HS6ST3: variants seen among roughly 807,000 people sequenced by gnomAD.
HS6ST3 encodes heparan sulfate 6-O-sulfotransferase 3.
Under a neutral mutation model 36.7 loss-of-function variants are expected in HS6ST3, and 12 were observed. The observed-to-expected ratio is 0.33, with a 90% CI of 0.21 to 0.53. The LOEUF (loss-of-function observed/expected upper bound fraction) is 0.53, where lower values mean the gene tolerates loss of function less well. Among genes scored for constraint, HS6ST3 ranks in the 20% least tolerant of loss-of-function variants. HS6ST3 has a pLI of 0.95. For synonymous variants in HS6ST3, 240 were observed against 257.5 expected (o/e 0.93, Z 0.65); for missense variants, 584 against 640.9 (o/e 0.91, Z 0.96).
At position 96,834,516 on chromosome 13, in the gene HS6ST3, C is replaced by G. The variant is rs1453903798; in HGVS notation, c.*1318C>G. 6.6e-6 allele frequency: 1 copy of G among 152,232 alleles called. No homozygotes were observed. Among genetic ancestry groups the G allele is most frequent in the African/African-American group, 2.4e-5 (1 of 41,450 alleles). The allele number at this position is 152,232 out of a possible 1,614,324, so 9.4% of individuals were successfully genotyped here. On this transcript the variant is annotated 3_prime_UTR_variant, in exon 2 of 2. Coordinates refer to ENST00000376705, the MANE Select transcript of HS6ST3 (RefSeq NM_153456.4). The stretch of plus-strand genomic sequence containing the variant: ...TATTTTCACCTTTTCATAATCCCAA[C>G]TACAATAACAAGAATTTTATTGACT...
At chr13:96,283,539 G>A (rs2054785542) in intron 1 of HS6ST3, among the ~76,000 whole-genome samples, 1 of 152,018 alleles carries the variant, frequency 6.6e-6, no homozygotes, top group African/African-American at 2.4e-5. Context: ...CTTCATCTCT[G>A]TGCACCCCTA....
At chr13:96,424,879 C>T (rs570773378) in intron 1 of HS6ST3, among the ~76,000 whole-genome samples, 38 of 152,150 alleles carry the variant, frequency 2.5e-4, no homozygotes, top group African/African-American at 8.9e-4. Flanking sequence ...CATTTTTTTC[C>T]ATTGAGCAAT....
intron 1 of HS6ST3, among the ~76,000 whole-genome samples, chr13:96,710,095 G>A (rs1311968114): frequency 2.6e-5 from 4 of 152,172 alleles, no homozygotes; most frequent in Non-Finnish European, 5.9e-5. Flanking sequence ...AACTGCTGCT[G>A]CACAGTGAAT....
rs1316415453 is a variant in HS6ST3, at chr13:96,137,390, C to T, written c.707+45821C>T. Among the ~76,000 whole-genome samples the T allele has an allele frequency of 2.6e-5, 4 of 151,670 alleles. No homozygotes were observed. The East Asian group carries it at 7.8e-4, about 29-fold the overall frequency. Reference sequence around the variant, plus strand: ...TGAATACATCATTTTTCCATTCTACCCTCTGGAGATTTTGTTTCTTGCTCC... The same window carrying T: ...TGAATACATCATTTTTCCATTCTACTCTCTGGAGATTTTGTTTCTTGCTCC... On this transcript the variant is annotated intron_variant, in intron 1 of 1. Transcript: ENST00000376705.
chr13:96,480,867 G>A (rs2055887241), intron 1 of HS6ST3, among the ~76,000 whole-genome samples: 1 of 152,182 alleles, frequency 6.6e-6, no homozygotes, highest in Non-Finnish European at 1.5e-5. Flanking sequence ...GTACTCTGGA[G>A]CTCACAGTGC....
intron 1 of HS6ST3, among the ~76,000 whole-genome samples, chr13:96,485,719 A>G (rs1249694344): frequency 1.3e-5 from 2 of 152,140 alleles, no homozygotes; most frequent in East Asian, 1.9e-4. Flanking sequence ...ATTCTTATAG[A>G]TATTCTTTAA....
chr13:96,131,746 T>TC (rs1182741163), intron 1 of HS6ST3, among the ~76,000 whole-genome samples: 1 of 5,498 alleles, frequency 1.8e-4, no homozygotes, highest in Non-Finnish European at 6.7e-4. Flanking sequence ...TATTCTACTC[T>TC]TTTTTTTTTT....
intron 1 of HS6ST3, among the ~76,000 whole-genome samples, chr13:96,225,841 T>TA (rs2139364873): frequency 6.6e-6 from 1 of 152,166 alleles, no homozygotes; most frequent in South Asian, 2.1e-4. Flanking sequence ...TTCAACTGGG[T>TA]AAAAAAGGGG....
At chr13:96,768,729 G>A (rs895519579) in intron 1 of HS6ST3, among the ~76,000 whole-genome samples, 1 of 151,860 alleles carries the variant, frequency 6.6e-6, no homozygotes, top group East Asian at 2.0e-4. Context: ...TGATGCCATC[G>A]ATCCCGTGAG....
intron 1 of HS6ST3, among the ~76,000 whole-genome samples, chr13:96,725,276 G>T (rs1328391014): frequency 6.6e-6 from 1 of 151,990 alleles, no homozygotes; most frequent in Non-Finnish European, 1.5e-5. Context: ...CAAATCTTTG[G>T]TCAGATATGT....
At chr13:96,526,383 A>G (rs1299723238) in intron 1 of HS6ST3, among the ~76,000 whole-genome samples, 1 of 152,152 alleles carries the variant, frequency 6.6e-6, no homozygotes, top group Non-Finnish European at 1.5e-5. Flanking sequence ...ACTTAGAATT[A>G]TTTCCTCTAA....
At chr13:96,388,473 C>T (rs16953190) in intron 1 of HS6ST3, among the ~76,000 whole-genome samples, 2,214 of 152,268 alleles carry the variant, frequency 0.015, 29 homozygotes, top group East Asian at 0.057. Context: ...TTCTGCAAAC[C>T]GAGTAGGTTG....
At chr13:96,103,257 T>C (rs544815) in intron 1 of HS6ST3, among the ~76,000 whole-genome samples, 124,597 of 152,160 alleles carry the variant, frequency 0.82, 51,397 homozygotes, top group East Asian at 0.91. Context: ...AGAGAACTTC[T>C]GCATTGCATA....
chr13:96,395,577 G>A (rs2055416795), intron 1 of HS6ST3, among the ~76,000 whole-genome samples: 1 of 152,118 alleles, frequency 6.6e-6, no homozygotes, highest in South Asian at 2.1e-4. Flanking sequence ...GATAATGGCG[G>A]ACTTAGTAAT....
At chr13:96,586,826 C>A (rs1427410081) in intron 1 of HS6ST3, among the ~76,000 whole-genome samples, 1 of 152,056 alleles carries the variant, frequency 6.6e-6, no homozygotes, top group Non-Finnish European at 1.5e-5. Flanking sequence ...TTGATCTATT[C>A]TTGCTTTTGT....
intron 1 of HS6ST3, among the ~76,000 whole-genome samples, chr13:96,419,080 A>G (rs2055549421): frequency 6.6e-6 from 1 of 152,268 alleles, no homozygotes; most frequent in African/African-American, 2.4e-5. Context: ...TGTCAATTGA[A>G]TAGGCGGATG....
intron 1 of HS6ST3, among the ~76,000 whole-genome samples, chr13:96,414,215 A>C (rs1346019250): frequency 6.6e-6 from 1 of 152,234 alleles, no homozygotes; most frequent in African/African-American, 2.4e-5. Flanking sequence ...AATTTCACCT[A>C]GGCCAGGCCT....
At chr13:96,815,482 G>A (rs892256509) in intron 1 of HS6ST3, among the ~76,000 whole-genome samples, 2 of 152,112 alleles carry the variant, frequency 1.3e-5, no homozygotes, top group African/African-American at 4.8e-5. Context: ...AATTCAACCC[G>A]TAACATCTCT....
At chr13:96,770,683 G>A (rs1307630263) in intron 1 of HS6ST3, among the ~76,000 whole-genome samples, 1 of 152,172 alleles carries the variant, frequency 6.6e-6, no homozygotes, top group African/African-American at 2.4e-5. Context: ...CTAATTATTG[G>A]ATAGTAACCA....
Sources: allele counts gnomAD v4.1 joint callset (sites outside exome capture counted in the v4.1 genomes callset), GRCh38; gene constraint gnomAD v4.1.1; transcripts MANE v1.5; gene names NCBI Gene and HGNC (gene_info 2026-07-23, HGNC 2026-07-21).